The following RARB variants were observed in gnomAD, a reference collection of about 807,000 sequenced individuals.
RARB encodes the protein HBV-activated protein.
RARB carries 17 observed loss-of-function variants against 51.9 expected under a neutral mutation model. That is an observed-to-expected ratio of 0.33 (90% confidence interval 0.22 to 0.49). The LOEUF (loss-of-function observed/expected upper bound fraction) is 0.49, where lower values mean the gene tolerates loss of function less well. RARB is among the 20% of genes least tolerant of loss of function. RARB has a pLI of 0.99. For synonymous variants in RARB, 215 were observed against 195.4 expected (o/e 1.10, Z -0.84); for missense variants, 369 against 550.8 (o/e 0.67, Z 3.30).
chr3:25,213,382 C>G (rs371301805), intron 5 of RARB, among the ~76,000 whole-genome samples: 29 of 152,096 alleles, frequency 1.9e-4, no homozygotes, highest in African/African-American at 6.5e-4. Flanking sequence ...TTCATATTGT[C>G]CTATGTAGCT....
chr3:25,397,063 C>T (rs1707135546), intron 5 of RARB, among the ~76,000 whole-genome samples: 1 of 152,190 alleles, frequency 6.6e-6, no homozygotes, highest in African/African-American at 2.4e-5. Context: ...CCCGCAACCT[C>T]AGATTCTGCC....
intron 2 of RARB, among the ~76,000 whole-genome samples, chr3:24,932,526 G>A (rs960171156): frequency 5.9e-5 from 9 of 152,096 alleles, no homozygotes; most frequent in South Asian, 2.1e-4. Context: ...CTACATATGC[G>A]TATGCATTTT....
chr3:25,206,623 A>G (rs755724581), intron 5 of RARB, among the ~76,000 whole-genome samples: 4 of 152,088 alleles, frequency 2.6e-5, no homozygotes, highest in Non-Finnish European at 5.9e-5. Context: ...AACCCCTTAA[A>G]GACAAGTCAA....
chr3:25,015,363 A>C (rs1167328625), intron 2 of RARB, among the ~76,000 whole-genome samples: 3 of 152,180 alleles, frequency 2.0e-5, no homozygotes, highest in Non-Finnish European at 4.4e-5. Flanking sequence ...GAATACTTTG[A>C]ACTTTCAAGA....
intron 4 of RARB, among the ~76,000 whole-genome samples, chr3:25,574,659 T>C (rs1700851413): frequency 6.6e-6 from 1 of 152,128 alleles, no homozygotes; most frequent in Admixed American, 6.5e-5. Context: ...GAGGGGCTTG[T>C]GAATATGAAC....
chr3:25,567,352 T>G (rs77132200), intron 3 of RARB, among the ~76,000 whole-genome samples: 7,616 of 152,086 alleles, frequency 0.05, 233 homozygotes, highest in Non-Finnish European at 0.073. Context: ...GTCTACTTTT[T>G]GTCTTTGGAT....
intron 1 of RARB, among the ~76,000 whole-genome samples, chr3:25,441,882 T>A (rs553836958): frequency 6.6e-6 from 1 of 152,280 alleles, no homozygotes; most frequent in Admixed American, 6.5e-5. Flanking sequence ...TAGTACTTGG[T>A]CTATGATCCT....
intron 5 of RARB, among the ~76,000 whole-genome samples, chr3:25,221,528 G>A (rs1020194289): frequency 1.3e-5 from 2 of 152,090 alleles, no homozygotes; most frequent in African/African-American, 2.4e-5. Flanking sequence ...CGCTTTCCTA[G>A]ACTGATACAA....
chr3:24,913,171 A>G (rs1695033860), intron 2 of RARB, among the ~76,000 whole-genome samples: 1 of 151,338 alleles, frequency 6.6e-6, no homozygotes. Flanking sequence ...TTTTTAGTAG[A>G]GACGGGGTTT....
At chr3:25,040,500 A>C (rs1698089864) in intron 2 of RARB, among the ~76,000 whole-genome samples, 1 of 152,190 alleles carries the variant, frequency 6.6e-6, no homozygotes, top group South Asian at 2.1e-4. Flanking sequence ...TGGGAGGCCT[A>C]GGTCGGCAGA....
chr3:25,094,516 A>T (rs183134350), intron 3 of RARB, among the ~76,000 whole-genome samples: 12 of 152,106 alleles, frequency 7.9e-5, no homozygotes, highest in African/African-American at 2.9e-4. Context: ...TAGAAACTTG[A>T]GAACAGCTTG....
At chr3:25,488,060 ATGGGG>A (rs1575451391) in intron 2 of RARB, among the ~76,000 whole-genome samples, 5 of 152,328 alleles carry the variant, frequency 3.3e-5, no homozygotes, top group East Asian at 1.9e-4. Flanking sequence ...TGTTGACAGT[ATGGGG>A]AATTGGCCCC....
chr3:24,854,007 G>A (rs749895812), intron 1 of RARB, among the ~76,000 whole-genome samples: 2 of 152,228 alleles, frequency 1.3e-5, no homozygotes, highest in African/African-American at 4.8e-5. Context: ...CTAAGTGTGT[G>A]TGTGTGAATA....
At chr3:25,483,556 AAAAG>A (rs1175291966) in intron 2 of RARB, among the ~76,000 whole-genome samples, 62 of 151,080 alleles carry the variant, frequency 4.1e-4, no homozygotes, top group Middle Eastern at 3.4e-3. Flanking sequence ...TTCACTCAAA[AAAAG>A]AGAGTGTGTG....
chr3:25,567,508 C>T (rs1436486125), intron 3 of RARB, among the ~76,000 whole-genome samples: 1 of 152,094 alleles, frequency 6.6e-6, no homozygotes, highest in Non-Finnish European at 1.5e-5. Flanking sequence ...AATAATATTC[C>T]ACCATAAGGA....
intron 4 of RARB, among the ~76,000 whole-genome samples, chr3:25,159,154 CTTTTTTTTTTTTT>C (rs397874262): frequency 9.2e-5 from 6 of 65,304 alleles, no homozygotes; most frequent in South Asian, 6.3e-4. Context: ...TCCAAATTGT[CTTTTTTTTTTTTT>C]TTTTTTTTTT....
At chr3:25,294,544 C>T (rs1703871390) in intron 5 of RARB, among the ~76,000 whole-genome samples, 1 of 152,182 alleles carries the variant, frequency 6.6e-6, no homozygotes, top group Admixed American at 6.5e-5. Flanking sequence ...CACTACCCCT[C>T]TCCCAACCCA....
intron 3 of RARB, among the ~76,000 whole-genome samples, chr3:25,085,436 A>G (rs1423541170): frequency 2.0e-5 from 3 of 152,138 alleles, no homozygotes; most frequent in African/African-American, 2.4e-5. Context: ...AGTAAGAAGC[A>G]TGTTTGGGGG....
At chr3:25,592,407 A>G (rs1156942744) in intron 5 of RARB, among the ~76,000 whole-genome samples, 2 of 152,160 alleles carry the variant, frequency 1.3e-5, no homozygotes, top group Admixed American at 1.3e-4. Context: ...ACTTTTTCAG[A>G]GAGAAAAGTC....
Sources: allele counts gnomAD v4.1 joint callset (sites outside exome capture counted in the v4.1 genomes callset), GRCh38; gene constraint gnomAD v4.1.1; transcripts MANE v1.5; gene names NCBI Gene and HGNC (gene_info 2026-07-23, HGNC 2026-07-21).